PCOLCE2: variants seen among roughly 807,000 people sequenced by gnomAD.
The protein encoded by PCOLCE2 is procollagen C-endopeptidase enhancer 2.
A neutral mutation model predicts 47.0 loss-of-function variants in PCOLCE2; 42 were observed. The ratio of observed to expected loss-of-function variants is 0.89; its 90% CI spans 0.70 to 1.16. PCOLCE2 has a LOEUF of 1.16. Ranked by LOEUF, PCOLCE2 falls within the 50% of genes most tolerant of loss-of-function variation. The pLI is 0.00. For missense variants in PCOLCE2, 500 were observed against 526.1 expected (o/e 0.95, Z 0.49); for synonymous variants, 169 against 191.7 (o/e 0.88, Z 0.98).
At chr3:142,879,736 G>A (rs3109100) in intron 2 of PCOLCE2, among the ~76,000 whole-genome samples, 84,364 of 152,000 alleles carry the variant, frequency 0.56, 23,994 homozygotes, top group Non-Finnish European at 0.61. Context: ...TTGGGAGGCC[G>A]AGGAGGGCGG....
intron 5 of PCOLCE2, among the ~76,000 whole-genome samples, chr3:142,838,225 CT>C (rs544728644): frequency 1.5e-4 from 23 of 152,024 alleles, no homozygotes; most frequent in Non-Finnish European, 2.5e-4. Context: ...GTTGGCTATT[CT>C]TTTTTGGTGG....
chr3:142,852,391 A>G (rs1243184800), intron 2 of PCOLCE2, among the ~76,000 whole-genome samples: 1 of 152,160 alleles, frequency 6.6e-6, no homozygotes, highest in African/African-American at 2.4e-5. Context: ...TTCTTTGTTA[A>G]GAATAGAAAA....
intron 6 of PCOLCE2, 99 bp downstream of exon 6, chr3:142,829,591 CTT>C: frequency 2.3e-6 from 2 of 877,144 alleles, no homozygotes; most frequent in Non-Finnish European, 3.4e-6. Context: ...TCCTATTTAA[CTT>C]TAATTTCAAG....
At chr3:142,876,413 G>A (rs1933499089) in intron 2 of PCOLCE2, among the ~76,000 whole-genome samples, 1 of 152,136 alleles carries the variant, frequency 6.6e-6, no homozygotes, top group Non-Finnish European at 1.5e-5. Context: ...GCACAGGGAG[G>A]TTAAGTAGCA....
intron 2 of PCOLCE2, among the ~76,000 whole-genome samples, chr3:142,849,286 TG>T (rs1440376885): frequency 6.6e-6 from 1 of 152,226 alleles, no homozygotes; most frequent in Non-Finnish European, 1.5e-5. Flanking sequence ...TAATTCATTT[TG>T]GGTCCTGAAA....
chr3:142,869,364 A>G (rs1324157777), intron 2 of PCOLCE2, among the ~76,000 whole-genome samples: 1 of 152,126 alleles, frequency 6.6e-6, no homozygotes, highest in Non-Finnish European at 1.5e-5. Context: ...AGATATCAAC[A>G]TGACAGATAA....
intron 8 of PCOLCE2, 105 bp downstream of exon 8, chr3:142,820,773 G>C: frequency 2.1e-6 from 2 of 935,050 alleles, no homozygotes; most frequent in Non-Finnish European, 3.2e-6. Flanking sequence ...TTCCTGCTCT[G>C]CAAGAAGTGG....
rs72993769 is a variant in PCOLCE2, at chr3:142,883,911, C to T, written c.192+3758G>A. On this transcript the variant is annotated intron_variant, in intron 2 of 8. Coordinates refer to ENST00000295992, the MANE Select transcript of PCOLCE2 (RefSeq NM_013363.4). ...CCTGTGGAGCACAGAACGTAAGATG[C>T]CTGGTGGGCTTTGTCTCACTTCCCA... Among the ~76,000 whole-genome samples, 440 of 152,212 alleles carry T rather than the reference C, an allele frequency of 2.9e-3. 1 individual carries two copies. The highest frequency in any genetic ancestry group is 0.01 in the African/African-American group (424 of 41,522).
intron 5 of PCOLCE2, among the ~76,000 whole-genome samples, chr3:142,836,573 T>G (rs575822770): frequency 6.6e-6 from 1 of 152,252 alleles, no homozygotes; most frequent in Admixed American, 6.5e-5. Flanking sequence ...GAATGTTGTT[T>G]AGTGTTTATT....
At chr3:142,837,792 G>A (rs1398276368) in intron 5 of PCOLCE2, among the ~76,000 whole-genome samples, 1 of 152,200 alleles carries the variant, frequency 6.6e-6, no homozygotes, top group African/African-American at 2.4e-5. Flanking sequence ...TATTGCAGCA[G>A]AGTTAAGTAA....
intron 2 of PCOLCE2, among the ~76,000 whole-genome samples, chr3:142,872,290 AC>A (rs1933406614): frequency 6.6e-6 from 1 of 151,352 alleles, no homozygotes; most frequent in Non-Finnish European, 1.5e-5. Context: ...TTTGTAAATA[AC>A]CCCCCTTGAA....
At position 142,829,731 on chromosome 3, in the gene PCOLCE2, T is replaced by C. The variant is rs767048078; in HGVS notation, c.826A>G (p.Thr276Ala). 36 of 1,607,840 alleles carry C rather than the reference T, an allele frequency of 2.2e-5. No individual in the cohort carries two copies. In the South Asian group the frequency reaches 3.7e-4, roughly 16 times the overall value. ...IFRPKKLPTTTEQPVTTTFPV... is the reference protein window; with the variant it reads ...IFRPKKLPTTAEQPVTTTFPV... ...AATGTGGTGGTGACAGGCTGTTCTG[T>C]AGTTGTAGGCAGTTTTTTTGGCCTG... is the stretch of plus-strand genomic sequence containing the variant. The change falls in exon 6 of 9, where the codon ACA (threonine) becomes GCA (alanine). Residue 276 changes from threonine to alanine, a missense_variant. Physicochemically the swap from Thr to Ala is moderately conservative, Grantham distance 58. Coordinates refer to ENST00000295992, the MANE Select transcript of PCOLCE2 (RefSeq NM_013363.4).
intron 2 of PCOLCE2, among the ~76,000 whole-genome samples, chr3:142,880,435 A>G (rs772558702): frequency 6.6e-6 from 1 of 152,212 alleles, no homozygotes; most frequent in Non-Finnish European, 1.5e-5. Flanking sequence ...GGTATAATTA[A>G]GTGACTTCAA....
rs1937100847 is a variant in PCOLCE2, at chr3:142,827,770, G to T, written c.865+1922C>A. On this transcript the variant is annotated intron_variant, in intron 6 of 8. Transcript: ENST00000295992. ...AAATCTGGCTTAAATCTTTTAGTCT[G>T]GGGACCCGTGTACCCCTACGCATGG... The T allele has an allele frequency of 4.6e-6, 3 of 658,708 alleles. No homozygotes were observed. The Admixed American group carries it at 7.6e-5, about 17-fold the overall frequency. The allele number at this position is 658,708 out of a possible 1,614,324, so 40.8% of individuals were successfully genotyped here. A position where few individuals can be genotyped will look rare whatever the true frequency, so the allele number is the denominator to read the frequency against.
At chr3:142,849,062 A>G (rs1191698506) in intron 2 of PCOLCE2, among the ~76,000 whole-genome samples, 1 of 151,998 alleles carries the variant, frequency 6.6e-6, no homozygotes, top group Non-Finnish European at 1.5e-5. Flanking sequence ...CTGAGGCAGG[A>G]GAATGGCGTG....
intron 2 of PCOLCE2, among the ~76,000 whole-genome samples, chr3:142,849,687 A>C (rs1241964723): frequency 1.3e-5 from 2 of 152,184 alleles, no homozygotes; most frequent in African/African-American, 4.8e-5. Flanking sequence ...CTTTAATCAG[A>C]TGAGGTCTCC....
intron 2 of PCOLCE2, among the ~76,000 whole-genome samples, chr3:142,849,637 G>A (rs1248394969): frequency 6.6e-6 from 1 of 151,994 alleles, no homozygotes; most frequent in African/African-American, 2.4e-5. Context: ...CTTCATTCAA[G>A]TTGTTCAGTC....
At chr3:142,828,638 A>AT (rs1937112093) in intron 6 of PCOLCE2, among the ~76,000 whole-genome samples, 1 of 152,210 alleles carries the variant, frequency 6.6e-6, no homozygotes, top group Non-Finnish European at 1.5e-5. Context: ...AAATAGTGTG[A>AT]TAAAAACAAG....
At chr3:142,882,589 A>ATTATTATTTTTTTTTTTTTT in intron 2 of PCOLCE2, among the ~76,000 whole-genome samples, 1 of 151,750 alleles carries the variant, frequency 6.6e-6, no homozygotes, top group African/African-American at 2.4e-5. Context: ...TTATTATTAT[A>ATTATTATTTTTTTTTTTTTT]CTTTAGAGAA....
Sources: allele counts gnomAD v4.1 joint callset (sites outside exome capture counted in the v4.1 genomes callset), GRCh38; gene constraint gnomAD v4.1.1; transcripts MANE v1.5; gene names NCBI Gene and HGNC (gene_info 2026-07-23, HGNC 2026-07-21).